The following FGF14 variants were observed in gnomAD, a reference collection of about 807,000 sequenced individuals.
FGF14 encodes the protein fibroblast growth factor 14.
A neutral mutation model predicts 25.5 loss-of-function variants in FGF14; 5 were observed. The observed-to-expected ratio is 0.20, with a 90% CI of 0.10 to 0.41. The LOEUF (loss-of-function observed/expected upper bound fraction) is 0.41. Among genes scored for constraint, FGF14 ranks in the 10% least tolerant of loss-of-function variants. The pLI, the probability that FGF14 is intolerant of heterozygous loss-of-function variation, is 1.00. For synonymous variants in FGF14, 138 were observed against 118.3 expected (o/e 1.17, Z -1.08); for missense variants, 222 against 320.1 (o/e 0.69, Z 2.34).
chr13:102,328,583 C>T (rs1735488441), intron 1 of FGF14, among the ~76,000 whole-genome samples: 1 of 152,226 alleles, frequency 6.6e-6, no homozygotes, highest in Non-Finnish European at 1.5e-5. Context: ...CTCCCACCTA[C>T]TCCCACACTT....
intron 1 of FGF14, among the ~76,000 whole-genome samples, chr13:101,997,489 C>G (rs920348011): frequency 1.3e-5 from 2 of 152,162 alleles, no homozygotes; most frequent in African/African-American, 4.8e-5. Context: ...GGCATTATAA[C>G]AGTGGTTTTA....
chr13:102,045,914 A>G (rs973927722), intron 1 of FGF14: 2 of 153,908 alleles, frequency 1.3e-5, no homozygotes, highest in Admixed American at 6.5e-5. Flanking sequence ...AGGAATGGCT[A>G]GAAGAGCTGA....
intron 1 of FGF14, among the ~76,000 whole-genome samples, chr13:102,381,903 G>A (rs2058191685): frequency 1.3e-5 from 2 of 152,160 alleles, no homozygotes; most frequent in Admixed American, 6.6e-5. Flanking sequence ...CATGTCCCAT[G>A]AGATTATCAA....
chr13:102,388,744 C>A (rs1470783415), intron 1 of FGF14, among the ~76,000 whole-genome samples: 1 of 152,196 alleles, frequency 6.6e-6, no homozygotes, highest in Non-Finnish European at 1.5e-5. Context: ...AAAAATCCCT[C>A]CTTCCTCCTA....
At chr13:102,064,353 T>C (rs1397244655) in intron 1 of FGF14, among the ~76,000 whole-genome samples, 3 of 152,100 alleles carry the variant, frequency 2.0e-5, no homozygotes, top group Non-Finnish European at 4.4e-5. Flanking sequence ...CATAATAGCC[T>C]TTAGATGGGT....
At chr13:101,742,655 G>C (rs988302817) in intron 3 of FGF14, among the ~76,000 whole-genome samples, 1 of 152,064 alleles carries the variant, frequency 6.6e-6, no homozygotes, top group African/African-American at 2.4e-5. Flanking sequence ...CCATAGTTAT[G>C]ATTAAAAGAT....
At chr13:101,997,608 A>G (rs1449817782) in intron 1 of FGF14, among the ~76,000 whole-genome samples, 2 of 152,202 alleles carry the variant, frequency 1.3e-5, no homozygotes, top group African/African-American at 2.4e-5. Flanking sequence ...GCCAGGTCCA[A>G]AAATTTACTT....
intron 3 of FGF14, among the ~76,000 whole-genome samples, chr13:101,768,603 T>C (rs1332686495): frequency 6.6e-6 from 1 of 152,010 alleles, no homozygotes; most frequent in Non-Finnish European, 1.5e-5. Context: ...CAGTGAAGTA[T>C]TGGTGAAGGA....
At chr13:101,962,001 C>T (rs367819745) in intron 1 of FGF14, among the ~76,000 whole-genome samples, 26 of 152,078 alleles carry the variant, frequency 1.7e-4, no homozygotes, top group African/African-American at 6.3e-4. Context: ...TAGTGTGATG[C>T]CTCCAGCTTT....
chr13:102,135,853 G>A (rs1056809989), intron 1 of FGF14, among the ~76,000 whole-genome samples: 9 of 151,538 alleles, frequency 5.9e-5, no homozygotes, highest in South Asian at 2.1e-4. Flanking sequence ...ATAGGGTTTC[G>A]CCATGTTGGC....
At chr13:101,724,597 A>AATATATAT (rs201033233) in intron 4 of FGF14, among the ~76,000 whole-genome samples, 3,249 of 120,796 alleles carry the variant, frequency 0.027, 62 homozygotes, top group Non-Finnish European at 0.039. Flanking sequence ...ATAATAATAA[A>AATATATAT]ATATATATAT....
chr13:101,867,433 A>C (rs576299658), intron 3 of FGF14, among the ~76,000 whole-genome samples: 93 of 152,300 alleles, frequency 6.1e-4, no homozygotes, highest in African/African-American at 2.2e-3. Context: ...TTACTAACAG[A>C]AAGATAGAAC....
intron 1 of FGF14, among the ~76,000 whole-genome samples, chr13:102,285,112 C>T (rs941200827): frequency 7.9e-5 from 12 of 152,180 alleles, no homozygotes; most frequent in African/African-American, 2.9e-4. Context: ...CACAAGAACA[C>T]ATCTACTTAT....
At chr13:102,053,812 A>G (rs1032790093) in intron 1 of FGF14, among the ~76,000 whole-genome samples, 2 of 152,144 alleles carry the variant, frequency 1.3e-5, no homozygotes, top group African/African-American at 4.8e-5. Flanking sequence ...ATCATTATAT[A>G]AAAAGTGAAT....
At chr13:102,358,766 G>A (rs1444681409) in intron 1 of FGF14, among the ~76,000 whole-genome samples, 1 of 152,148 alleles carries the variant, frequency 6.6e-6, no homozygotes, top group African/African-American at 2.4e-5. Context: ...TGTTTTAAAT[G>A]CTCATCTGAG....
At chr13:101,732,655 T>C (rs2139725426) in intron 3 of FGF14, among the ~76,000 whole-genome samples, 1 of 147,952 alleles carries the variant, frequency 6.8e-6, no homozygotes, top group East Asian at 2.2e-4. Context: ...TTCTTTCAAA[T>C]ATCAAATAAG....
intron 1 of FGF14, among the ~76,000 whole-genome samples, chr13:102,051,582 A>G (rs1027956515): frequency 6.6e-6 from 1 of 152,078 alleles, no homozygotes; most frequent in African/African-American, 2.4e-5. Context: ...CAAATACCCT[A>G]CCAGTGCTCA....
chr13:102,002,673 C>T (rs559275877), intron 1 of FGF14: 3 of 153,542 alleles, frequency 2.0e-5, no homozygotes, highest in East Asian at 1.9e-4. Flanking sequence ...CACCTTATTA[C>T]GTAGCGCTAA....
At chr13:102,013,437 GA>G (rs1443352987) in intron 1 of FGF14, among the ~76,000 whole-genome samples, 1 of 152,184 alleles carries the variant, frequency 6.6e-6, no homozygotes, top group Non-Finnish European at 1.5e-5. Flanking sequence ...CTTCTTGGAA[GA>G]AAACACTGTC....
Sources: gnomAD v4.1 joint callset for allele counts (sites outside exome capture counted in the v4.1 genomes callset) on GRCh38, gnomAD v4.1.1 for gene constraint, MANE v1.5 for transcripts, NCBI Gene and HGNC (gene_info 2026-07-23, HGNC 2026-07-21) for gene names.